Variants in MGMT observed in about 807,000 individuals in gnomAD.
MGMT encodes methylated-DNA--protein-cysteine methyltransferase.
In MGMT, 14 loss-of-function variants were observed where a neutral mutation model predicts 15.9. The observed-to-expected ratio is 0.88, with a 90% CI of 0.58 to 1.37. MGMT has a LOEUF of 1.37. MGMT is among the 40% of genes most tolerant of loss of function. MGMT has a pLI of 0.00. For synonymous variants in MGMT, 130 were observed against 118.2 expected (o/e 1.10, Z -0.65); for missense variants, 282 against 268.1 (o/e 1.05, Z -0.36).
intron 2 of MGMT, among the ~76,000 whole-genome samples, chr10:129,551,048 G>A (rs559664895): frequency 1.6e-4 from 24 of 152,152 alleles, no homozygotes; most frequent in Admixed American, 4.6e-4. Context: ...TCCCAGCCCC[G>A]TTCCCTATCA....
chr10:129,702,988 A>G (rs1383474844), intron 2 of MGMT, among the ~76,000 whole-genome samples: 1 of 152,196 alleles, frequency 6.6e-6, no homozygotes, highest in Non-Finnish European at 1.5e-5. Context: ...AGGGCAGGGC[A>G]GGAGAATAAA....
intron 2 of MGMT, among the ~76,000 whole-genome samples, chr10:129,602,270 C>G (rs1846832455): frequency 6.6e-6 from 1 of 151,914 alleles, no homozygotes; most frequent in Admixed American, 6.6e-5. Flanking sequence ...TTGTGAGTGT[C>G]ACTTTACTAG....
chr10:129,477,250 C>T (rs919419474), intron 1 of MGMT, among the ~76,000 whole-genome samples: 1 of 152,224 alleles, frequency 6.6e-6, no homozygotes, highest in African/African-American at 2.4e-5. Context: ...CGATCTCTCT[C>T]TGTCTGGGGC....
At chr10:129,502,010 G>A (rs1331468270) in intron 1 of MGMT, among the ~76,000 whole-genome samples, 2 of 152,236 alleles carry the variant, frequency 1.3e-5, no homozygotes, top group African/African-American at 2.4e-5. Context: ...ACAGCTGTGG[G>A]ATGGGATGGG....
chr10:129,620,199 A>C lies in MGMT; in HGVS notation c.125+83822A>C, dbSNP rs141484076. On this transcript the variant is annotated intron_variant, in intron 2 of 4. Coordinates refer to ENST00000651593, the MANE Select transcript of MGMT (RefSeq NM_002412.5). ...CTAAGCAGTGCTTAAGCAGCATTCTACATGTTTTGATAGGGATTGTTTTTT... is the reference window on the plus strand; with the variant it reads ...CTAAGCAGTGCTTAAGCAGCATTCTCCATGTTTTGATAGGGATTGTTTTTT... 2.4e-4 allele frequency among the ~76,000 whole-genome samples: 37 copies of C among 152,352 alleles called. 1 individual carries two copies. In the East Asian group the frequency reaches 6.4e-3, roughly 26 times the overall value.
chr10:129,471,692 C>T (rs554418318), intron 1 of MGMT, among the ~76,000 whole-genome samples: 1 of 152,010 alleles, frequency 6.6e-6, no homozygotes, highest in Non-Finnish European at 1.5e-5. Context: ...TTGCAGGGCC[C>T]CATGGGAGAC....
rs371285088 is a variant in MGMT, at chr10:129,516,992, C to T, written c.-12-19249C>T. On this transcript the variant is annotated intron_variant, in intron 1 of 4. Coordinates refer to ENST00000651593, the MANE Select transcript of MGMT (RefSeq NM_002412.5). The stretch of plus-strand genomic sequence containing the variant: ...AATGTCGACAGTTCTACCCCGAGTG[C>T]GGTTGGTGGTGGGGCTCCAATGGAA... Among the ~76,000 whole-genome samples the T allele has an allele frequency of 5.9e-5, 9 of 152,316 alleles. No individual in the cohort carries two copies. The East Asian group carries it at 9.6e-4, about 16-fold the overall frequency.
chr10:129,561,300 G>A (rs1320036249), intron 2 of MGMT, among the ~76,000 whole-genome samples: 4 of 152,128 alleles, frequency 2.6e-5, no homozygotes, highest in African/African-American at 7.2e-5. Context: ...TGCGGGCAGC[G>A]ACAGGGGTGG....
chr10:129,567,202 A>G (rs1319377331), intron 2 of MGMT, among the ~76,000 whole-genome samples: 1 of 152,100 alleles, frequency 6.6e-6, no homozygotes, highest in Non-Finnish European at 1.5e-5. Flanking sequence ...GGCCAGACCC[A>G]TCCAGCCTGT....
chr10:129,706,704 A>T (rs1848167341), intron 2 of MGMT, among the ~76,000 whole-genome samples: 1 of 152,140 alleles, frequency 6.6e-6, no homozygotes, highest in Non-Finnish European at 1.5e-5. Context: ...ACAGCACTTG[A>T]AATCACAACG....
intron 1 of MGMT, among the ~76,000 whole-genome samples, chr10:129,499,927 G>A (rs565389282): frequency 1.3e-4 from 20 of 152,264 alleles, no homozygotes; most frequent in South Asian, 8.3e-4. Context: ...GGATATATGC[G>A]TGAAATAATT....
chr10:129,501,541 T>G (rs749838408), intron 1 of MGMT, among the ~76,000 whole-genome samples: 5 of 152,338 alleles, frequency 3.3e-5, no homozygotes, highest in Non-Finnish European at 5.9e-5. Context: ...TTACTCCTTT[T>G]TATCTGCCTT....
In MGMT at chr10:129,708,038, A is replaced by G; in HGVS notation, c.269A>G (p.Gln90Arg). Residue 90 changes from glutamine (Q) to arginine (R), a missense_variant, in exon 3 of 5, where the codon CAG becomes CGG. Coordinates refer to ENST00000651593, the MANE Select transcript of MGMT (RefSeq NM_002412.5). ...CCGGCTCTTCACCATCCCGTTTTCC[A>G]GCAAGGTCGGTAACTAAGCCATCTG... is the stretch of plus-strand genomic sequence containing the variant. ...PVPALHHPVFQQESFTRQVLW... is the reference protein window; with the variant it reads ...PVPALHHPVFRQESFTRQVLW... 6.2e-7 allele frequency: 1 copy of G among 1,612,218 alleles called. No individual in the cohort carries two copies. The highest frequency in any genetic ancestry group is 8.5e-7 in the Non-Finnish European group (1 of 1,179,188).
chr10:129,528,992 A>G (rs765194521), intron 1 of MGMT, among the ~76,000 whole-genome samples: 60 of 152,156 alleles, frequency 3.9e-4, no homozygotes, highest in Non-Finnish European at 8.1e-4. Flanking sequence ...ATGTAAGGAA[A>G]ATAAGGCAGA....
At chr10:129,698,900 G>A (rs752676897) in intron 2 of MGMT, among the ~76,000 whole-genome samples, 8 of 152,178 alleles carry the variant, frequency 5.3e-5, no homozygotes, top group Non-Finnish European at 1.2e-4. Context: ...GTCAGGCACC[G>A]CAAGTGGGGT....
intron 1 of MGMT, among the ~76,000 whole-genome samples, chr10:129,511,805 T>C (rs1845686794): frequency 6.6e-6 from 1 of 152,142 alleles, no homozygotes; most frequent in Non-Finnish European, 1.5e-5. Flanking sequence ...CTATGCAAAG[T>C]GGCGTCTGGG....
chr10:129,519,382 C>A (rs1415027469), intron 1 of MGMT, among the ~76,000 whole-genome samples: 1 of 152,190 alleles, frequency 6.6e-6, no homozygotes, highest in African/African-American at 2.4e-5. Flanking sequence ...TATCAAGCCA[C>A]TGATAGGTTT....
At chr10:129,531,424 A>G (rs989833384) in intron 1 of MGMT, among the ~76,000 whole-genome samples, 9 of 151,346 alleles carry the variant, frequency 5.9e-5, no homozygotes, top group Admixed American at 3.9e-4. Context: ...CACTTTTCTC[A>G]CTGCCTGATT....
chr10:129,547,135 G>C (rs1387542279), intron 2 of MGMT, among the ~76,000 whole-genome samples: 1 of 152,210 alleles, frequency 6.6e-6, no homozygotes, highest in East Asian at 1.9e-4. Context: ...ACTGGGCCAT[G>C]CTCTCTAAAT....
Sources: gnomAD v4.1 joint callset for allele counts (sites outside exome capture counted in the v4.1 genomes callset) on GRCh38, gnomAD v4.1.1 for gene constraint, MANE v1.5 for transcripts, NCBI Gene and HGNC (gene_info 2026-07-23, HGNC 2026-07-21) for gene names.